Variants in PRDM16 observed in about 807,000 individuals in gnomAD.
The protein encoded by PRDM16 is histone-lysine N-methyltransferase PRDM16.
PRDM16 carries 23 observed loss-of-function variants against 110.6 expected under a neutral mutation model. The observed-to-expected ratio is 0.21, with a 90% CI of 0.15 to 0.29. The LOEUF is 0.29. Ranked by LOEUF, PRDM16 falls within the 10% of genes least tolerant of loss-of-function variation. PRDM16 has a pLI of 1.00. For missense variants in PRDM16, 1,615 were observed against 1,794.3 expected, an observed-to-expected ratio of 0.90 and a Z score of 1.81; for synonymous variants, 799 against 781.8, an observed-to-expected ratio of 1.02 and a Z score of -0.37.
At chr1:3,414,008 G>A (rs771648808) in intron 9 of PRDM16, among the ~76,000 whole-genome samples, 11 of 152,208 alleles carry the variant, frequency 7.2e-5, no homozygotes, top group South Asian at 2.1e-4. Flanking sequence ...GGCCACTCAC[G>A]TTCATCAGCA....
intron 5 of PRDM16, 136 bp from the exon 6 acceptor site, chr1:3,402,655 G>A: frequency 1.4e-6 from 1 of 692,006 alleles, no homozygotes; most frequent in East Asian, 2.7e-5. Flanking sequence ...AGGCTGGAAG[G>A]AAGCAGTGCA....
intron 1 of PRDM16, among the ~76,000 whole-genome samples, chr1:3,181,027 T>TAC (rs754059319): frequency 2.3e-4 from 30 of 129,814 alleles, no homozygotes; most frequent in African/African-American, 6.6e-4. Context: ...AATGCGGTCT[T>TAC]ACACGCGGTC....
At chr1:3,305,850 T>C (rs1482110492) in intron 3 of PRDM16, among the ~76,000 whole-genome samples, 2 of 152,240 alleles carry the variant, frequency 1.3e-5, no homozygotes, top group Non-Finnish European at 2.9e-5. Flanking sequence ...GTGATGCCCG[T>C]GCTGCTTTTC....
chr1:3,082,090 C>G (rs2100579641), intron 1 of PRDM16, among the ~76,000 whole-genome samples: 1 of 152,316 alleles, frequency 6.6e-6, no homozygotes, highest in East Asian at 1.9e-4. Flanking sequence ...TTTCACTTCC[C>G]AAATGAACTG....
At chr1:3,133,020 A>C (rs905250266) in intron 1 of PRDM16, 3 of 152,294 alleles carry the variant, frequency 2.0e-5, no homozygotes, top group African/African-American at 7.2e-5. Context: ...GTTTTGAAGA[A>C]GTTCAAACAG....
At chr1:3,275,053 G>C (rs1640551609) in intron 3 of PRDM16, among the ~76,000 whole-genome samples, 1 of 152,236 alleles carries the variant, frequency 6.6e-6, no homozygotes, top group Non-Finnish European at 1.5e-5. Context: ...CAGGAGCACG[G>C]ATCTGGCTGG....
At chr1:3,415,326 C>T (rs572648427) in intron 10 of PRDM16, among the ~76,000 whole-genome samples, 11 of 152,366 alleles carry the variant, frequency 7.2e-5, no homozygotes, top group Non-Finnish European at 1.6e-4. Flanking sequence ...TGGCCCCTTC[C>T]GCAGCGCCAT....
intron 1 of PRDM16, among the ~76,000 whole-genome samples, chr1:3,167,076 T>A (rs564707872): frequency 1.3e-5 from 2 of 152,186 alleles, no homozygotes; most frequent in Non-Finnish European, 2.9e-5. Flanking sequence ...AGGGACGATC[T>A]GGATTGCACC....
At position 3,081,366 on chromosome 1, in the gene PRDM16, G is replaced by A. The variant is rs887484089; in HGVS notation, c.37+12070G>A. ...CAGGTGACCCTTGTTCAAAGGGAACGAGGGGCTGGTGGCCACGGTGGGCGT... is the reference window on the plus strand; with the variant it reads ...CAGGTGACCCTTGTTCAAAGGGAACAAGGGGCTGGTGGCCACGGTGGGCGT... On this transcript the variant is annotated intron_variant, in intron 1 of 16. Transcript: ENST00000270722. This position sits in a 1 kb window ranked among gnomAD's most constrained non-coding sequence, Gnocchi z 4.6. Among the ~76,000 whole-genome samples, 4 of 152,214 alleles carry A rather than the reference G, an allele frequency of 2.6e-5. No homozygotes were observed. Among genetic ancestry groups the A allele is most frequent in the Admixed American group, 6.5e-5 (1 of 15,290 alleles).
intron 3 of PRDM16, among the ~76,000 whole-genome samples, chr1:3,258,798 C>T (rs1319971639): frequency 1.3e-5 from 2 of 152,318 alleles, no homozygotes; most frequent in African/African-American, 4.8e-5. Context: ...GGGGTGAGCG[C>T]GCGGCGGCTT....
rs1315375022 is a variant in PRDM16 at position 3,069,431 on chromosome 1, C to G, written c.37+135C>G. 1 of 148,204 alleles carries G rather than the reference C, an allele frequency of 6.7e-6. No individual in the cohort carries two copies. The highest frequency in any genetic ancestry group is 6.9e-5 in the Admixed American group (1 of 14,572). 9.2% of individuals were successfully genotyped at this position (148,204 alleles called of 1,614,324 possible). A position where few individuals can be genotyped will look rare whatever the true frequency, so the allele number is the denominator to read the frequency against. ...GGGCCCCCGGCTCGGCCGCGCGGCCCGGGGGGCTGCTCCGCCTCCCGCGCT... is the reference window on the plus strand; with the variant it reads ...GGGCCCCCGGCTCGGCCGCGCGGCCGGGGGGGCTGCTCCGCCTCCCGCGCT... On this transcript the variant is annotated intron_variant, in intron 1 of 16. Coordinates refer to ENST00000270722, the MANE Select transcript of PRDM16 (RefSeq NM_022114.4). The surrounding 1 kb of genome is among the most constrained non-coding windows in gnomAD (Gnocchi z 6.1).
At chr1:3,134,948 C>G (rs1643406742) in intron 1 of PRDM16, among the ~76,000 whole-genome samples, 1 of 152,122 alleles carries the variant, frequency 6.6e-6, no homozygotes, top group Non-Finnish European at 1.5e-5. Context: ...GAGCTGCTGG[C>G]CTGGTAGGGG....
At chr1:3,116,916 C>A (rs1642975272) in intron 1 of PRDM16, among the ~76,000 whole-genome samples, 1 of 152,196 alleles carries the variant, frequency 6.6e-6, no homozygotes, top group African/African-American at 2.4e-5. Flanking sequence ...ACAGCCCAAG[C>A]CCGACCTCCC....
intron 3 of PRDM16, among the ~76,000 whole-genome samples, chr1:3,266,814 T>G (rs938903421): frequency 2.5e-4 from 38 of 152,198 alleles, no homozygotes; most frequent in African/African-American, 8.0e-4. Flanking sequence ...TAGCTGGGAT[T>G]ACAGGCAACC....
chr1:3,267,805 C>T (rs753192252), intron 3 of PRDM16, among the ~76,000 whole-genome samples: 1 of 152,220 alleles, frequency 6.6e-6, no homozygotes, highest in East Asian at 1.9e-4. Flanking sequence ...CAGTGGGTGT[C>T]GGTGGCAGCA....
intron 3 of PRDM16, among the ~76,000 whole-genome samples, chr1:3,302,787 TC>T (rs1295422321): frequency 2.0e-5 from 3 of 152,110 alleles, no homozygotes; most frequent in African/African-American, 7.2e-5. Context: ...GAACACCTGG[TC>T]ACAGTGCGAG....
chr1:3,359,648 G>A lies in PRDM16; in HGVS notation c.439-25504G>A, dbSNP rs1003873076. On this transcript the variant is annotated intron_variant, in intron 3 of 16. Coordinates refer to ENST00000270722, the MANE Select transcript of PRDM16 (RefSeq NM_022114.4). This position sits in a 1 kb window ranked among gnomAD's most constrained non-coding sequence, Gnocchi z 4.3. ...TCAGCACTCACAGCCCCATCTCTCT[G>A]GGCCTTGTCTTAAAGGGTCTTTAGA... 1.3e-5 allele frequency among the ~76,000 whole-genome samples: 2 copies of A among 152,066 alleles called. No homozygotes were observed. Among genetic ancestry groups the A allele is most frequent in the Non-Finnish European group, 2.9e-5 (2 of 68,010 alleles).
chr1:3,386,152 C>G (rs2483215), intron 4 of PRDM16, among the ~76,000 whole-genome samples: 4 of 149,794 alleles, frequency 2.7e-5, no homozygotes, highest in Non-Finnish European at 4.4e-5. Flanking sequence ...TCGGGGTGCC[C>G]GGGGTGCCCG....
intron 1 of PRDM16, among the ~76,000 whole-genome samples, chr1:3,089,213 G>A (rs1344972441): frequency 1.3e-5 from 2 of 152,262 alleles, no homozygotes; most frequent in African/African-American, 4.8e-5. Flanking sequence ...GTCTGCACCA[G>A]CCCTGGCCCC....
Sources: gnomAD v4.1 joint callset for allele counts (sites outside exome capture counted in the v4.1 genomes callset) on GRCh38, gnomAD v4.1.1 for gene constraint, Gnocchi (gnomAD v3.1) non-coding constraint, MANE v1.5 for transcripts, NCBI Gene and HGNC (gene_info 2026-07-23, HGNC 2026-07-21) for gene names.